Variants in PARG observed in about 807,000 individuals in gnomAD.
The protein encoded by PARG is mitochondrial poly(ADP-ribose) glycohydrolase.
Under a neutral mutation model 113.0 loss-of-function variants are expected in PARG, and 35 were observed. The ratio of observed to expected loss-of-function variants is 0.31; its 90% confidence interval spans 0.24 to 0.41. The LOEUF (loss-of-function observed/expected upper bound fraction) is 0.41. PARG is among the 10% of genes least tolerant of loss of function. The probability of loss-of-function intolerance (pLI) is 1.00; values close to 1 mark genes in which losing one functional copy is unlikely to be tolerated. For synonymous variants in PARG, 330 were observed against 409.9 expected (o/e 0.81, Z 2.36); for missense variants, 797 against 1,169.4 (o/e 0.68, Z 4.64).
At chr10:49,842,293 A>G (rs1845281971) in intron 14 of PARG, among the ~76,000 whole-genome samples, 2 of 152,254 alleles carry the variant, frequency 1.3e-5, no homozygotes, top group South Asian at 4.1e-4. Context: ...CCCAGAGACA[A>G]CACAATGACA....
At chr10:49,874,808 G>A (rs1846874544) in intron 9 of PARG, among the ~76,000 whole-genome samples, 1 of 145,194 alleles carries the variant, frequency 6.9e-6, no homozygotes, top group African/African-American at 2.5e-5. Context: ...GAGCCGAGAT[G>A]GCGCCACTGC....
At chr10:49,922,137 G>A (rs1837908884) in intron 6 of PARG, among the ~76,000 whole-genome samples, 199 bp downstream of exon 6, 4 of 152,212 alleles carry the variant, frequency 2.6e-5, no homozygotes, top group South Asian at 2.1e-4. Context: ...ATTATTCTGT[G>A]TGGCTCCAGG....
chr10:49,925,789 C>T (rs1394994362), intron 4 of PARG, among the ~76,000 whole-genome samples: 2 of 152,242 alleles, frequency 1.3e-5, no homozygotes, highest in Non-Finnish European at 2.9e-5. Flanking sequence ...AAAAGAAAAT[C>T]TCGAATCCCT....
At chr10:49,831,560 G>A (rs549748357) in intron 16 of PARG, among the ~76,000 whole-genome samples, 4 of 152,270 alleles carry the variant, frequency 2.6e-5, no homozygotes, top group African/African-American at 7.2e-5. Flanking sequence ...GGAGGGCAGA[G>A]ACCGAGCTCA....
Position 49,836,134 on chromosome 10 carries a change from G to A in PARG, c.2542-3226C>T, listed in dbSNP as rs370163219. Among the ~76,000 whole-genome samples the A allele has an allele frequency of 4.6e-5, 7 of 152,084 alleles. No individual in the cohort carries two copies. The East Asian group carries it at 9.7e-4, about 21-fold the overall frequency. Reference sequence around the variant, plus strand: ...TGATGCATGATTTTACTTAAAAGATGTCTTTCATTATCATGTAAATACATT... The same window carrying A: ...TGATGCATGATTTTACTTAAAAGATATCTTTCATTATCATGTAAATACATT... On this transcript the variant is annotated intron_variant, in intron 15 of 17. Transcript: ENST00000616448.
chr10:49,834,069 CA>C (rs1844798204), intron 15 of PARG, among the ~76,000 whole-genome samples: 1 of 152,004 alleles, frequency 6.6e-6, no homozygotes, highest in East Asian at 1.9e-4. Context: ...AAGTTGGTAC[CA>C]GATCATTATT....
intron 7 of PARG, among the ~76,000 whole-genome samples, chr10:49,897,239 G>A (rs1459812193): frequency 6.6e-6 from 1 of 152,066 alleles, no homozygotes; most frequent in African/African-American, 2.4e-5. Context: ...AAAATATCTT[G>A]CAGAGATGTG....
intron 8 of PARG, among the ~76,000 whole-genome samples, chr10:49,881,937 A>G (rs1847236948): frequency 6.6e-6 from 1 of 152,170 alleles, no homozygotes. Flanking sequence ...GAGTTTAGAA[A>G]AGGTGACAGT....
chr10:49,848,143 G>C (rs1193504511), intron 13 of PARG, among the ~76,000 whole-genome samples: 5 of 150,016 alleles, frequency 3.3e-5, no homozygotes, highest in African/African-American at 1.2e-4. Context: ...AAGGTCAAGA[G>C]ATCGAGACCA....
intron 10 of PARG, among the ~76,000 whole-genome samples, chr10:49,868,992 T>A (rs1846657420): frequency 1.3e-5 from 2 of 151,958 alleles, no homozygotes; most frequent in Admixed American, 1.3e-4. Context: ...GAAGCAAGAA[T>A]GTTAAGGTTC....
chr10:49,924,564 C>T (rs1838056621), intron 4 of PARG, among the ~76,000 whole-genome samples: 1 of 147,950 alleles, frequency 6.8e-6, no homozygotes, highest in Non-Finnish European at 1.5e-5. Context: ...ATGGGCCCCT[C>T]CCTCAGCCAA....
At chr10:49,889,617 T>C (rs1242186548) in intron 7 of PARG, among the ~76,000 whole-genome samples, 1 of 152,190 alleles carries the variant, frequency 6.6e-6, no homozygotes, top group African/African-American at 2.4e-5. Context: ...TGTTTTTCAC[T>C]GTAATTAGTG....
At chr10:49,827,390 G>A (rs1564594043) in intron 16 of PARG, among the ~76,000 whole-genome samples, 1 of 152,166 alleles carries the variant, frequency 6.6e-6, no homozygotes, top group Non-Finnish European at 1.5e-5. Flanking sequence ...TAGTAAACTG[G>A]CAATGGCATA....
At chr10:49,825,580 T>C (rs543261034) in intron 16 of PARG, among the ~76,000 whole-genome samples, 8 of 152,310 alleles carry the variant, frequency 5.3e-5, no homozygotes, top group South Asian at 4.1e-4. Flanking sequence ...TCCTAGAACA[T>C]AGTATGCACT....
chr10:49,898,905 C>T (rs535908669), intron 7 of PARG, among the ~76,000 whole-genome samples: 14 of 152,244 alleles, frequency 9.2e-5, no homozygotes, highest in African/African-American at 3.1e-4. Context: ...TCACAAGACA[C>T]TTAAGACTTT....
Position 49,857,354 on chromosome 10 carries a change from G to A in PARG, c.2305C>T (p.Arg769Trp), listed in dbSNP as rs782683314. ...FLINPELIIS[R>W]LFTEVLDHNE... ...TGATCCAGCACCTCAGTGAAGAGCC[G>A]TGAAATAATCAACTCAGGATTGATT... The change falls in exon 13 of 18, where the codon CGG becomes TGG. Residue 769 changes from arginine to tryptophan, a missense_variant. By Grantham distance (101) the Arg-to-Trp change is moderately radical. This residue lies in a region of PARG where 40 missense variants were observed against 124.5 expected (regional missense o/e 0.32). Transcript: ENST00000616448. The A allele has an allele frequency of 3.2e-6, 4 of 1,269,062 alleles. No individual in the cohort carries two copies. The highest frequency in any genetic ancestry group is 1.3e-5 in the South Asian group (1 of 79,456). 78.6% of individuals were successfully genotyped at this position (1,269,062 alleles called of 1,614,324 possible).
chr10:49,920,974 T>G (rs1376939050), intron 6 of PARG, among the ~76,000 whole-genome samples: 1 of 152,104 alleles, frequency 6.6e-6, no homozygotes, highest in East Asian at 1.9e-4. Context: ...CAGTATATGT[T>G]CCAGCTGCAG....
chr10:49,843,632 C>T lies in PARG; in HGVS notation c.2354G>A (p.Gly785Asp). The change falls in exon 14 of 18, where the codon GGT becomes GAT. Residue 785 changes from glycine (G) to aspartate (D), a missense_variant and splice_region_variant. This residue lies in a region of PARG where 194 missense variants were observed against 247.1 expected (regional missense o/e 0.79). Transcript: ENST00000616448. ...TGTGTATTCACTGTACTGCTCAGTA[C>T]CTGAAACAAACAATCTGTCACTATT... ...LDHNECLIIT[G>D]TEQYSEYTGY... 1 of 1,545,330 alleles carries T rather than the reference C, an allele frequency of 6.5e-7. No homozygotes were observed. Among genetic ancestry groups the T allele is most frequent in the Non-Finnish European group, 8.8e-7 (1 of 1,141,184 alleles).
intron 8 of PARG, among the ~76,000 whole-genome samples, chr10:49,884,166 C>T (rs1321035677): frequency 2.6e-5 from 4 of 151,836 alleles, no homozygotes; most frequent in African/African-American, 7.2e-5. Context: ...CACAACCACT[C>T]AGTCAGCTAA....
Sources: allele counts gnomAD v4.1 joint callset (sites outside exome capture counted in the v4.1 genomes callset), GRCh38; gene constraint gnomAD v4.1.1; regional missense constraint gnomAD v4.1.1; transcripts MANE v1.5; gene names NCBI Gene and HGNC (gene_info 2026-07-23, HGNC 2026-07-21).